Variants in ZDHHC2 observed in about 807,000 individuals in gnomAD.
ZDHHC2 encodes the protein zDHHC palmitoyltransferase 2.
Under a neutral mutation model 55.6 loss-of-function variants are expected in ZDHHC2, and 51 were observed. The observed-to-expected ratio is 0.92, with a 90% CI of 0.73 to 1.16. ZDHHC2 has a LOEUF of 1.16. Ranked by LOEUF, ZDHHC2 falls within the 50% of genes most tolerant of loss-of-function variation. ZDHHC2 has a pLI of 0.00. For missense variants in ZDHHC2, 491 were observed against 442.4 expected (o/e 1.11, Z -0.99); for synonymous variants, 199 against 152.9 (o/e 1.30, Z -2.22).
chr8:17,166,317 TGTAA>T (rs1804598496), intron 1 of ZDHHC2, among the ~76,000 whole-genome samples: 1 of 152,132 alleles, frequency 6.6e-6, no homozygotes, highest in South Asian at 2.1e-4. Flanking sequence ...ATTTGAGTTG[TGTAA>T]GAAAGAAAGG....
intron 1 of ZDHHC2, among the ~76,000 whole-genome samples, chr8:17,164,967 T>C (rs1804531344): frequency 6.6e-6 from 1 of 152,224 alleles, no homozygotes; most frequent in Non-Finnish European, 1.5e-5. Context: ...TTGGATCCCA[T>C]GAGTCCTCTC....
intron 1 of ZDHHC2, among the ~76,000 whole-genome samples, chr8:17,179,189 A>G (rs1805308402): frequency 6.6e-6 from 1 of 152,006 alleles, no homozygotes; most frequent in Admixed American, 6.6e-5. Context: ...TGGCCTCAAA[A>G]CTATGCTCTC....
intron 1 of ZDHHC2, among the ~76,000 whole-genome samples, chr8:17,166,565 C>T (rs913006006): frequency 6.6e-6 from 1 of 152,116 alleles, no homozygotes; most frequent in Non-Finnish European, 1.5e-5. Context: ...GATTTAAAGA[C>T]TTGGCACTGG....
chr8:17,205,235 T>C (rs1807040460), intron 6 of ZDHHC2, among the ~76,000 whole-genome samples: 1 of 152,194 alleles, frequency 6.6e-6, no homozygotes, highest in African/African-American at 2.4e-5. Context: ...TGTGAAGATA[T>C]TCCATCTAAT....
In ZDHHC2 at chr8:17,166,269, C is replaced by T. The variant is rs140293183; in HGVS notation, c.130+9416C>T. On this transcript the variant is annotated intron_variant, in intron 1 of 12. Coordinates refer to ENST00000262096, the MANE Select transcript of ZDHHC2 (RefSeq NM_016353.5). ...TGGTGAGAGGTGGTCAGATTCTGGA[C>T]GTATTTTTACAGTAGCGACAGCAGA... Among the ~76,000 whole-genome samples the T allele has an allele frequency of 2.2e-4, 33 of 152,196 alleles. 1 individual carries two copies. The highest frequency in any genetic ancestry group is 7.2e-4 in the African/African-American group (30 of 41,518).
At chr8:17,174,576 C>A (rs1039815803) in intron 1 of ZDHHC2, among the ~76,000 whole-genome samples, 1 of 152,076 alleles carries the variant, frequency 6.6e-6, no homozygotes, top group African/African-American at 2.4e-5. Context: ...CTTTTGATGG[C>A]TGATCTAGAG....
At chr8:17,171,851 C>G (rs1227810162) in intron 1 of ZDHHC2, among the ~76,000 whole-genome samples, 1 of 151,458 alleles carries the variant, frequency 6.6e-6, no homozygotes, top group Non-Finnish European at 1.5e-5. Flanking sequence ...TTTAGACTCT[C>G]CCTTTCCTTT....
intron 6 of ZDHHC2, among the ~76,000 whole-genome samples, chr8:17,199,491 T>TTCTTCTTCTTCG (rs1806526285): frequency 2.7e-5 from 1 of 37,302 alleles, no homozygotes; most frequent in African/African-American, 8.1e-5. Flanking sequence ...CTTCTTCTTC[T>TTCTTCTTCTTCG]TCTTCTTCTT....
intron 3 of ZDHHC2, among the ~76,000 whole-genome samples, chr8:17,193,254 C>T (rs924925030): frequency 3.3e-5 from 5 of 152,188 alleles, no homozygotes; most frequent in Non-Finnish European, 5.9e-5. Flanking sequence ...ATACCCCAAT[C>T]CCAGTAATAC....
intron 12 of ZDHHC2, among the ~76,000 whole-genome samples, chr8:17,217,964 G>A (rs779207514): frequency 3.9e-5 from 6 of 152,128 alleles, no homozygotes; most frequent in Non-Finnish European, 5.9e-5. Flanking sequence ...TTTACATAAC[G>A]GCAATCTAGA....
chr8:17,183,349 G>A (rs1253255591), intron 1 of ZDHHC2, among the ~76,000 whole-genome samples: 5 of 152,192 alleles, frequency 3.3e-5, no homozygotes, highest in East Asian at 1.9e-4. Context: ...TACCTGTGGC[G>A]GTAGGTTCAG....
rs1805829984 is a variant in ZDHHC2, at chr8:17,188,310, T to C, written c.252+1885T>C. On this transcript the variant is annotated intron_variant, in intron 3 of 12. Transcript: ENST00000262096. ...AACCAATGTAACGCCTTCCCTCTAC[T>C]GCTTGTATCTATTGTGATTCCATAT... 2.0e-5 allele frequency among the ~76,000 whole-genome samples: 3 copies of C among 152,242 alleles called. No individual in the cohort carries two copies. In the South Asian group the frequency reaches 6.2e-4, roughly 32 times the overall value.
At chr8:17,165,691 A>G (rs1004253989) in intron 1 of ZDHHC2, among the ~76,000 whole-genome samples, 1 of 152,352 alleles carries the variant, frequency 6.6e-6, no homozygotes, top group East Asian at 1.9e-4. Context: ...AAACATAAGT[A>G]CATTAGACAG....
chr8:17,176,915 G>A (rs964886726), intron 1 of ZDHHC2, among the ~76,000 whole-genome samples: 4 of 152,098 alleles, frequency 2.6e-5, no homozygotes, highest in Non-Finnish European at 2.9e-5. Context: ...ATTCAAAAAT[G>A]TATTAGGAAG....
intron 4 of ZDHHC2, 33 bp from the exon 5 acceptor site, chr8:17,197,549 A>T: frequency 1.3e-6 from 2 of 1,578,602 alleles, no homozygotes; most frequent in Non-Finnish European, 1.7e-6. Flanking sequence ...TTCAGTGTTA[A>T]CTCTAAGACT....
intron 1 of ZDHHC2, among the ~76,000 whole-genome samples, chr8:17,164,716 TA>T (rs1804518958): frequency 6.6e-6 from 1 of 151,978 alleles, no homozygotes; most frequent in Non-Finnish European, 1.5e-5. Flanking sequence ...CTTATAAAAA[TA>T]AGTTCATATT....
intron 1 of ZDHHC2, among the ~76,000 whole-genome samples, chr8:17,165,486 G>C (rs1804557774): frequency 6.6e-6 from 1 of 152,178 alleles, no homozygotes; most frequent in Admixed American, 6.5e-5. Flanking sequence ...AGAACTGTAT[G>C]TCATTCAAAG....
intron 2 of ZDHHC2, 137 bp from the exon 3 acceptor site, chr8:17,186,194 G>C: frequency 1.7e-6 from 1 of 586,724 alleles, no homozygotes; most frequent in Non-Finnish European, 2.9e-6. Flanking sequence ...GTTTATTCTA[G>C]TATAAAGTAA....
chr8:17,161,455 T>C (rs565944967), intron 1 of ZDHHC2, among the ~76,000 whole-genome samples: 1 of 152,360 alleles, frequency 6.6e-6, no homozygotes, highest in Non-Finnish European at 1.5e-5. Flanking sequence ...TTGCCATTAG[T>C]TGGTTTTGCC....
Sources: gnomAD v4.1 joint callset for allele counts (sites outside exome capture counted in the v4.1 genomes callset) on GRCh38, gnomAD v4.1.1 for gene constraint, MANE v1.5 for transcripts, NCBI Gene and HGNC (gene_info 2026-07-23, HGNC 2026-07-21) for gene names.